NAV3: variants seen among roughly 807,000 people sequenced by gnomAD.
The protein encoded by NAV3 is neuron navigator 3, also known as pore membrane and/or filament interacting like protein 1.
NAV3 carries 87 observed loss-of-function variants against 244.7 expected under a neutral mutation model. That is an observed-to-expected ratio of 0.36 (90% CI 0.30 to 0.42). NAV3 has a LOEUF of 0.42. NAV3 is among the 20% of genes least tolerant of loss of function. The pLI, the probability that NAV3 is intolerant of heterozygous loss-of-function variation, is 1.00. For missense variants in NAV3, 2,663 were observed against 2,893.3 expected (o/e 0.92, Z 1.83); for synonymous variants, 1,126 against 1,042.2 (o/e 1.08, Z -1.55).
At chr12:78,032,244 T>C (rs781314355) in intron 9 of NAV3, among the ~76,000 whole-genome samples, 1 of 152,220 alleles carries the variant, frequency 6.6e-6, no homozygotes, top group Non-Finnish European at 1.5e-5. Context: ...GTGGTTCACA[T>C]TGCAATGCAG....
intron 2 of NAV3, among the ~76,000 whole-genome samples, chr12:77,748,617 T>C (rs887143778): frequency 6.6e-6 from 1 of 152,180 alleles, no homozygotes; most frequent in African/African-American, 2.4e-5. Context: ...GACATGATGC[T>C]AAGTGAAATA....
intron 2 of NAV3, among the ~76,000 whole-genome samples, chr12:77,822,504 G>T (rs1872787123): frequency 6.6e-6 from 1 of 152,126 alleles, no homozygotes; most frequent in Non-Finnish European, 1.5e-5. Flanking sequence ...CTGAAAAAAT[G>T]ATTTCAGTGG....
At chr12:77,827,097 G>C (rs1873080435), upstream of NAV3, among the ~76,000 whole-genome samples, 1 of 152,026 alleles carries the variant, frequency 6.6e-6, no homozygotes, top group Non-Finnish European at 1.5e-5. Context: ...GCCAGGCGTA[G>C]TGGCAGGCGC....
chr12:78,178,527 G>A (rs1038858191), intron 28 of NAV3, among the ~76,000 whole-genome samples: 8 of 152,062 alleles, frequency 5.3e-5, no homozygotes, highest in African/African-American at 1.9e-4. Flanking sequence ...AACTAAAATT[G>A]TGGATAAACT....
At chr12:77,708,873 G>C (rs1286205779) in intron 2 of NAV3, among the ~76,000 whole-genome samples, 1 of 152,102 alleles carries the variant, frequency 6.6e-6, no homozygotes, top group Admixed American at 6.6e-5. Flanking sequence ...TCTGTTATTG[G>C]TGTATAAGAA....
At chr12:78,177,999 GTATAT>G (rs1958319500) in intron 28 of NAV3, among the ~76,000 whole-genome samples, 1 of 107,032 alleles carries the variant, frequency 9.3e-6, no homozygotes, top group South Asian at 2.7e-4. Context: ...CAAGCCCTAT[GTATAT>G]TATGTTTTTT....
rs1404818078 is a variant in NAV3 at position 77,941,283 on chromosome 12, A to G, written c.414+150A>G. 5 of 579,978 alleles carry G rather than the reference A, an allele frequency of 8.6e-6. No homozygotes were observed. The Admixed American group carries it at 1.0e-4, about 12-fold the overall frequency. 35.9% of individuals were successfully genotyped at this position (579,978 alleles called of 1,614,324 possible). On this transcript the variant is annotated intron_variant, in intron 3 of 39. Coordinates refer to ENST00000397909, the MANE Select transcript of NAV3 (RefSeq NM_001024383.2). ...CTCTCATATGTATTTGTGTGGGTTC[A>G]ATTTAGGCACATCAACATCATTAAG...
intron 2 of NAV3, among the ~76,000 whole-genome samples, chr12:77,665,820 T>A (rs1044434126): frequency 2.0e-5 from 3 of 152,198 alleles, no homozygotes; most frequent in Non-Finnish European, 4.4e-5. Context: ...TAGCTGCTGA[T>A]CCTAACCATT....
At chr12:78,186,657 T>C (rs1394503169) in intron 31 of NAV3, among the ~76,000 whole-genome samples, 4 of 144,374 alleles carry the variant, frequency 2.8e-5, no homozygotes, top group Admixed American at 7.1e-5. Context: ...TTCACAGTAA[T>C]TCTAACAGAC....
chr12:77,694,755 G>A (rs948570125), intron 2 of NAV3, among the ~76,000 whole-genome samples: 6 of 152,138 alleles, frequency 3.9e-5, no homozygotes, highest in African/African-American at 1.2e-4. Flanking sequence ...TCACAATAGA[G>A]AAGAGAGATT....
chr12:77,912,238 A>C (rs1012239826), intron 1 of NAV3, among the ~76,000 whole-genome samples: 5 of 152,286 alleles, frequency 3.3e-5, no homozygotes, highest in Non-Finnish European at 7.4e-5. Context: ...AATGGACTAT[A>C]ATACAATGAC....
At chr12:77,625,430 C>G (rs1219217357) in intron 2 of NAV3, among the ~76,000 whole-genome samples, 1 of 151,994 alleles carries the variant, frequency 6.6e-6, no homozygotes, top group Admixed American at 6.6e-5. Flanking sequence ...GTGAGAAACC[C>G]CAGGGTGTGG....
At chr12:77,936,876 T>G (rs10506763) in intron 1 of NAV3, among the ~76,000 whole-genome samples, 2,585 of 152,286 alleles carry the variant, frequency 0.017, 53 homozygotes, top group African/African-American at 0.045. Flanking sequence ...CGAAGTCTCC[T>G]TAAAGACACA....
intron 5 of NAV3, among the ~76,000 whole-genome samples, chr12:77,993,653 A>AG (rs1028979291): frequency 6.4e-4 from 98 of 152,242 alleles, no homozygotes; most frequent in African/African-American, 2.3e-3. Context: ...AGCTCAGTGT[A>AG]GTAAAAGTTA....
chr12:78,052,810 T>G (rs770109), intron 11 of NAV3, among the ~76,000 whole-genome samples: 10,171 of 152,214 alleles, frequency 0.067, 392 homozygotes, highest in Non-Finnish European at 0.086. Flanking sequence ...TCTCTTTTTT[T>G]TCTCAATCTC....
At chr12:78,172,490 T>C (rs1446019298) in intron 24 of NAV3, among the ~76,000 whole-genome samples, 1 of 151,536 alleles carries the variant, frequency 6.6e-6, no homozygotes, top group Admixed American at 6.6e-5. Flanking sequence ...TATGTGATCA[T>C]TGGTGAAGCT....
chr12:78,138,198 C>T (rs995252842), intron 19 of NAV3, among the ~76,000 whole-genome samples: 43 of 152,190 alleles, frequency 2.8e-4, no homozygotes, highest in Non-Finnish European at 1.2e-4. Flanking sequence ...AAAGAAAAGT[C>T]TCCAAATCTT....
At chr12:77,648,039 C>T (rs1473171414) in intron 2 of NAV3, among the ~76,000 whole-genome samples, 1 of 151,958 alleles carries the variant, frequency 6.6e-6, no homozygotes, top group Non-Finnish European at 1.5e-5. Context: ...CTGATACTTC[C>T]CTGATGTTGG....
At chr12:78,024,953 A>C (rs1039684022) in intron 9 of NAV3, among the ~76,000 whole-genome samples, 1 of 150,630 alleles carries the variant, frequency 6.6e-6, no homozygotes. Context: ...CCAGACTGGG[A>C]GACAGAGCAA....
Sources: gnomAD v4.1 joint callset for allele counts (sites outside exome capture counted in the v4.1 genomes callset) on GRCh38, gnomAD v4.1.1 for gene constraint, MANE v1.5 for transcripts, NCBI Gene and HGNC (gene_info 2026-07-23, HGNC 2026-07-21) for gene names.